The following WDR72 variants were observed in gnomAD, a reference collection of about 807,000 sequenced individuals.
WDR72 encodes WD repeat-containing protein 72.
In WDR72, 120 loss-of-function variants were observed where a neutral mutation model predicts 124.2. That is an observed-to-expected ratio of 0.97 (90% CI 0.83 to 1.12). WDR72 has a LOEUF of 1.12. Ranked by LOEUF, WDR72 falls within the 50% of genes most tolerant of loss-of-function variation. The pLI is 0.00. For synonymous variants in WDR72, 452 were observed against 441.7 expected (o/e 1.02, Z -0.29); for missense variants, 1,387 against 1,278.8 (o/e 1.08, Z -1.29).
At chr15:53,652,735 G>A (rs1046769197) in intron 14 of WDR72, among the ~76,000 whole-genome samples, 1 of 152,102 alleles carries the variant, frequency 6.6e-6, no homozygotes, top group African/African-American at 2.4e-5. Flanking sequence ...AGATTTAAGG[G>A]CAAGTAAATG....
chr15:53,631,814 A>C (rs1316817591), intron 14 of WDR72, among the ~76,000 whole-genome samples: 1 of 152,176 alleles, frequency 6.6e-6, no homozygotes, highest in East Asian at 1.9e-4. Context: ...TGGTGGAAGA[A>C]AGTTCTAAGG....
Position 53,597,198 on chromosome 15 carries a change from T to C in WDR72, c.3029A>G (p.Asn1010Ser), listed in dbSNP as rs141044665. ...HMKSLGKIPV[N>S]SQPVSMAENG... ...CTCTGCCATGGACACTGGTTGACTATTGACGGGTATCTTTCCCAAACTCTT... is the reference window on the plus strand; with the variant it reads ...CTCTGCCATGGACACTGGTTGACTACTGACGGGTATCTTTCCCAAACTCTT... The change falls in exon 18 of 20, where the codon AAT (asparagine) becomes AGT (serine). Residue 1010 changes from asparagine to serine, a missense_variant. Physicochemically the swap from Asn to Ser is conservative, Grantham distance 46. Transcript: ENST00000360509. The C allele has an allele frequency of 7.1e-5, 115 of 1,613,840 alleles. 2 individuals carry two copies. In the South Asian group the frequency reaches 1.1e-3, roughly 15 times the overall value.
At chr15:53,569,314 A>T (rs1222214888) in intron 18 of WDR72, among the ~76,000 whole-genome samples, 4 of 152,032 alleles carry the variant, frequency 2.6e-5, no homozygotes, top group Non-Finnish European at 5.9e-5. Context: ...CACAGGTAAT[A>T]TTAGAGATGA....
intron 14 of WDR72, among the ~76,000 whole-genome samples, chr15:53,624,784 G>C (rs962590204): frequency 2.6e-5 from 4 of 152,128 alleles, no homozygotes; most frequent in African/African-American, 9.7e-5. Flanking sequence ...ATTCCAGCTA[G>C]TCATCACTGT....
intron 1 of WDR72, among the ~76,000 whole-genome samples, chr15:53,750,571 A>C (rs1045571500): frequency 5.3e-5 from 8 of 152,160 alleles, no homozygotes; most frequent in Non-Finnish European, 1.2e-4. Flanking sequence ...TAAGCTATAC[A>C]TTTTGTGAGG....
At chr15:53,535,207 C>A (rs1011417428) in intron 18 of WDR72, among the ~76,000 whole-genome samples, 6 of 152,108 alleles carry the variant, frequency 3.9e-5, no homozygotes, top group African/African-American at 1.4e-4. Context: ...TCCTACTAAA[C>A]AATAATTCTT....
chr15:53,626,970 T>C (rs2014236550), intron 14 of WDR72, among the ~76,000 whole-genome samples: 1 of 152,226 alleles, frequency 6.6e-6, no homozygotes, highest in African/African-American at 2.4e-5. Context: ...AAATACAAAG[T>C]TAGGAAATAT....
intron 14 of WDR72, among the ~76,000 whole-genome samples, chr15:53,631,137 G>A (rs998968440): frequency 2.0e-5 from 3 of 152,048 alleles, no homozygotes; most frequent in Non-Finnish European, 4.4e-5. Context: ...ATTGGATCAC[G>A]GGGGCAGTTT....
intron 18 of WDR72, among the ~76,000 whole-genome samples, chr15:53,554,817 C>T (rs16966209): frequency 0.24 from 36,926 of 152,024 alleles, 4,694 homozygotes; most frequent in African/African-American, 0.32. Context: ...AACCTCACTA[C>T]AAACTCACGT....
At chr15:53,720,101 T>C (rs1047406925) in intron 3 of WDR72, among the ~76,000 whole-genome samples, 1 of 152,158 alleles carries the variant, frequency 6.6e-6, no homozygotes, top group Non-Finnish European at 1.5e-5. Context: ...ATTTGTCCCA[T>C]TTTTTAAAAA....
At chr15:53,602,017 C>T (rs185077114) in intron 17 of WDR72, among the ~76,000 whole-genome samples, 65 of 152,176 alleles carry the variant, frequency 4.3e-4, no homozygotes, top group African/African-American at 1.5e-3. Flanking sequence ...AACTCTCCAC[C>T]CAAAAACAAC....
At chr15:53,562,626 T>C (rs1894162252) in intron 18 of WDR72, among the ~76,000 whole-genome samples, 1 of 151,756 alleles carries the variant, frequency 6.6e-6, no homozygotes, top group Admixed American at 6.6e-5. Flanking sequence ...TGAAAAGTTA[T>C]GAATAAGTAA....
chr15:53,532,184 A>G (rs543670114), intron 18 of WDR72, among the ~76,000 whole-genome samples: 3 of 152,226 alleles, frequency 2.0e-5, no homozygotes, highest in African/African-American at 4.8e-5. Context: ...ACCCTCATAC[A>G]CCGCTGGTGG....
chr15:53,645,762 A>C (rs1225072035), intron 14 of WDR72, among the ~76,000 whole-genome samples: 1 of 152,192 alleles, frequency 6.6e-6, no homozygotes, highest in East Asian at 1.9e-4. Context: ...AAAATGATTA[A>C]GCATCAGCTT....
chr15:53,621,074 T>C (rs143110028), intron 14 of WDR72, among the ~76,000 whole-genome samples: 1 of 152,032 alleles, frequency 6.6e-6, no homozygotes, highest in Non-Finnish European at 1.5e-5. Flanking sequence ...ATGATCAGGA[T>C]AATTCAAATC....
chr15:53,705,805 C>A lies in WDR72; in HGVS notation c.1102+122G>T, dbSNP rs1225009442. The A allele has an allele frequency of 5.4e-6, 6 of 1,119,612 alleles. No homozygotes were observed. The South Asian group carries it at 6.6e-5, about 12-fold the overall frequency. The allele number at this position is 1,119,612 out of a possible 1,614,324, so 69.4% of individuals were successfully genotyped here. ...CCTGCTTTCATGTTGTCATTTAATA[C>A]GTAGTAGTACACAATAAATTTTTCT... On this transcript the variant is annotated intron_variant, in intron 10 of 19. Transcript: ENST00000360509.
chr15:53,689,406 G>A, intron 13 of WDR72, among the ~76,000 whole-genome samples: 1 of 149,360 alleles, frequency 6.7e-6, no homozygotes, highest in African/African-American at 2.5e-5. Context: ...GTGGGCAAAG[G>A]ACATGAACAG....
In WDR72 at chr15:53,615,941, A is replaced by T. The variant is rs375032585; in HGVS notation, c.2265T>A (p.Asn755Lys). 20 of 1,613,206 alleles carry T rather than the reference A, an allele frequency of 1.2e-5. No individual in the cohort carries two copies. In the African/African-American group the frequency reaches 2.4e-4, roughly 19 times the overall value. The change falls in exon 15 of 20, where the codon AAT (asparagine) becomes AAA (lysine). Residue 755 changes from asparagine to lysine, a missense_variant. Coordinates refer to ENST00000360509, the MANE Select transcript of WDR72 (RefSeq NM_182758.4). Reference sequence around the variant, plus strand: ...CATTTTCTTCTGAGAATTTGATGGTATTATCTCCTTGGGCCAGGCTTTCAG... The same window carrying T: ...CATTTTCTTCTGAGAATTTGATGGTTTTATCTCCTTGGGCCAGGCTTTCAG... The part of the protein sequence containing the change: ...PITESLAQGD[N>K]TIKFSEENDG...
chr15:53,568,329 A>G (rs72745157), intron 18 of WDR72, among the ~76,000 whole-genome samples: 3,114 of 151,804 alleles, frequency 0.021, 44 homozygotes, highest in Admixed American at 0.029. Flanking sequence ...AGAATAGTGA[A>G]ATCGGTTTTT....
Sources: gnomAD v4.1 joint callset for allele counts (sites outside exome capture counted in the v4.1 genomes callset) on GRCh38, gnomAD v4.1.1 for gene constraint, MANE v1.5 for transcripts, NCBI Gene and HGNC (gene_info 2026-07-23, HGNC 2026-07-21) for gene names.